Variants in RPAP1 observed in about 807,000 individuals in gnomAD.
RPAP1 encodes RNA polymerase II-associated protein 1.
RPAP1 carries 109 observed loss-of-function variants against 142.4 expected under a neutral mutation model. The ratio of observed to expected loss-of-function variants is 0.77; its 90% CI spans 0.66 to 0.90. The LOEUF is 0.90. RPAP1 is among the 40% of genes least tolerant of loss of function. The probability of loss-of-function intolerance (pLI) is 0.00; values close to 1 mark genes in which losing one functional copy is unlikely to be tolerated. For synonymous variants in RPAP1, 704 were observed against 738.9 expected, an observed-to-expected ratio of 0.95 and a Z score of 0.77; for missense variants, 1,546 against 1,751.7, an observed-to-expected ratio of 0.88 and a Z score of 2.10.
In RPAP1 at chr15:41,520,997, G is replaced by A. The variant is rs745576008; in HGVS notation, c.3189C>T (p.Cys1063=). 3 of 1,607,080 alleles carry A rather than the reference G, an allele frequency of 1.9e-6. No individual in the cohort carries two copies. The highest frequency in any genetic ancestry group is 2.6e-6 in the Non-Finnish European group (3 of 1,176,446). ...PSIRNCYLTH[C]SPARASLLAS... ...CCAGCAGACTGGCTCGGGCTGGCGAGCAATGAGTCAGGTAGCAGTTGCGGA... is the reference window on the plus strand; with the variant it reads ...CCAGCAGACTGGCTCGGGCTGGCGAACAATGAGTCAGGTAGCAGTTGCGGA... The change falls in exon 22 of 25, where the codon TGC becomes TGT. Residue 1063 remains cysteine, a synonymous_variant. Coordinates refer to ENST00000304330, the MANE Select transcript of RPAP1 (RefSeq NM_015540.4).
At chr15:41,538,741 C>G (rs2051940579) in intron 1 of RPAP1, among the ~76,000 whole-genome samples, 1 of 152,066 alleles carries the variant, frequency 6.6e-6, no homozygotes, top group Non-Finnish European at 1.5e-5. Context: ...TTTACGTAAC[C>G]ATGGCACAAA....
chr15:41,524,599 C>A (rs139404432), intron 15 of RPAP1, among the ~76,000 whole-genome samples: 7 of 151,716 alleles, frequency 4.6e-5, no homozygotes, highest in African/African-American at 1.7e-4. Context: ...CCTCAGCCTG[C>A]CGAGTAGTTG....
intron 1 of RPAP1, 127 bp downstream of exon 1, chr15:41,544,092 G>A (rs1449770611): frequency 6.6e-6 from 1 of 152,312 alleles, no homozygotes; most frequent in African/African-American, 2.4e-5. Context: ...TATGCACAGA[G>A]GAGGCCACAG....
At chr15:41,531,254 T>A (rs1461322641) in intron 6 of RPAP1, 52 bp from the exon 7 acceptor site, 2 of 1,540,486 alleles carry the variant, frequency 1.3e-6, no homozygotes, top group South Asian at 2.3e-5. Flanking sequence ...CTCCCTGGCC[T>A]CCTACAGACC....
In RPAP1 at chr15:41,517,861, G is replaced by A. The variant is rs774143687; in HGVS notation, c.3973-4C>T. ...TGCGGGCAGCTTTGACCTCATCCTA[G>A]AAGCAGAACAGGGAGAGGTGGCACT... On this transcript the variant is annotated splice_region_variant and splice_polypyrimidine_tract_variant and intron_variant, in intron 23 of 24. Coordinates refer to ENST00000304330, the MANE Select transcript of RPAP1 (RefSeq NM_015540.4). 9.9e-6 allele frequency: 16 copies of A among 1,614,130 alleles called. No individual in the cohort carries two copies. In the East Asian group the frequency reaches 3.3e-4, roughly 34 times the overall value.
intron 1 of RPAP1, among the ~76,000 whole-genome samples, chr15:41,543,152 T>C (rs1412434364): frequency 6.6e-6 from 1 of 151,742 alleles, no homozygotes; most frequent in Non-Finnish European, 1.5e-5. Flanking sequence ...GTTCCGCTAC[T>C]TACTAAATGC....
At position 41,537,062 on chromosome 15, in the gene RPAP1, G is replaced by A; in HGVS notation, c.64C>T (p.Leu22Phe). Reference sequence around the variant, plus strand: ...ACTGCTGGGGCTGCACCAGCTGCGAGAAACTGACTCTGGAAGTGCAGCAGG... The same window carrying A: ...ACTGCTGGGGCTGCACCAGCTGCGAAAAACTGACTCTGGAAGTGCAGCAGG... ...VDLLHFQSQF[L>F]AAGAAPAVQL... is the part of the protein sequence containing the mutation. The change falls in exon 2 of 25, where the codon CTC becomes TTC. Residue 22 changes from leucine (L) to phenylalanine (F), a missense_variant. Leu to Phe is a conservative substitution (Grantham distance 22, BLOSUM62 0). Transcript: ENST00000304330. The A allele has an allele frequency of 6.2e-7, 1 of 1,614,124 alleles. No homozygotes were observed. The highest frequency in any genetic ancestry group is 8.5e-7 in the Non-Finnish European group (1 of 1,180,000).
chr15:41,533,950 C>T (rs1300814388), intron 6 of RPAP1, among the ~76,000 whole-genome samples: 5 of 150,054 alleles, frequency 3.3e-5, no homozygotes, highest in East Asian at 2.0e-4. Context: ...GGTGAAACTC[C>T]GTCTCTACTA....
chr15:41,524,096 C>T lies in RPAP1; in HGVS notation c.2234G>A (p.Ser745Asn). The T allele has an allele frequency of 6.3e-7, 1 of 1,589,720 alleles. No individual in the cohort carries two copies. The highest frequency in any genetic ancestry group is 8.6e-7 in the Non-Finnish European group (1 of 1,165,698). Residue 745 changes from serine to asparagine, a missense_variant and splice_region_variant, in exon 16 of 25, where the codon AGT becomes AAT. Ser to Asn is a conservative substitution (Grantham distance 46, BLOSUM62 1). Coordinates refer to ENST00000304330, the MANE Select transcript of RPAP1 (RefSeq NM_015540.4). The part of the protein sequence containing the change: ...AAGSTPAETI[S>N]DSAEASLSAT... ...CCTGTGGGTCCTGGCTATAAACTAC[C>T]TGATGGTTTCAGCAGGGGTACTGCC... is the stretch of plus-strand genomic sequence containing the variant.
Position 41,527,069 on chromosome 15 carries a change from C to G in RPAP1, c.1747-1G>C. ...CTATCAGCCGAGGGCACTCCAGGAC[C>G]TATGGGAGACAGGAGGTAAAAGGGA... On this transcript the variant is annotated splice_acceptor_variant, in intron 13 of 24. Transcript: ENST00000304330. LOFTEE classifies it high-confidence loss of function. 6.2e-7 allele frequency: 1 copy of G among 1,613,526 alleles called. No homozygotes were observed.
chr15:41,519,218 C>CT (rs1298698676), intron 22 of RPAP1, among the ~76,000 whole-genome samples: 11 of 150,918 alleles, frequency 7.3e-5, no homozygotes, highest in Non-Finnish European at 1.3e-4. Flanking sequence ...TTTTATTTTT[C>CT]TTTTTTGAGA....
intron 3 of RPAP1, 123 bp downstream of exon 3, chr15:41,536,378 A>G: frequency 7.2e-7 from 1 of 1,398,364 alleles, no homozygotes; most frequent in Non-Finnish European, 9.9e-7. Context: ...CCCCAACCTG[A>G]CCTCAGGGGT....
Position 41,524,132 on chromosome 15 carries a change from G to T in RPAP1, c.2198C>A (p.Thr733Asn). Residue 733 changes from threonine to asparagine, a missense_variant, in exon 16 of 25, where the codon ACC becomes AAC. Physicochemically the swap from Thr to Asn is moderately conservative, Grantham distance 65 (BLOSUM62 0). Around this residue, in one of 3 missense-constraint regions of RPAP1, gnomAD observed 1,333 missense variants for 1,486.6 expected, o/e 0.90. Transcript: ENST00000304330. Reference sequence around the variant, plus strand: ...AGCAGGGGTACTGCCGGCTGCCAGGGTTAGCTGGGTGAGGAGAGTGAGCAG... The same window carrying T: ...AGCAGGGGTACTGCCGGCTGCCAGGTTTAGCTGGGTGAGGAGAGTGAGCAG... ...ASLLTLLTQL[T>N]LAAGSTPAET... 1 of 1,595,404 alleles carries T rather than the reference G, an allele frequency of 6.3e-7. No homozygotes were observed. The highest frequency in any genetic ancestry group is 1.1e-5 in the South Asian group (1 of 88,044).
In RPAP1 at chr15:41,517,756, A is replaced by G. The variant is rs772624068; in HGVS notation, c.4032+42T>C. On this transcript the variant is annotated intron_variant, in intron 24 of 24. Transcript: ENST00000304330. ...ATCCTGTTGTGGTCTCTGTCCCCCA[A>G]GATCCTCTAATATCCCACCCTCCTA... 5.6e-6 allele frequency: 9 copies of G among 1,614,088 alleles called. No individual in the cohort carries two copies. The Admixed American group carries it at 1.0e-4, about 18-fold the overall frequency.
intron 7 of RPAP1, 75 bp from the exon 8 acceptor site, chr15:41,530,054 GC>G: frequency 9.5e-7 from 1 of 1,050,222 alleles, no homozygotes; most frequent in Non-Finnish European, 1.5e-6. Context: ...CCATCACCCA[GC>G]AGCTGCCACA....
intron 1 of RPAP1, among the ~76,000 whole-genome samples, chr15:41,542,305 T>C (rs1272041236): frequency 1.3e-5 from 2 of 152,194 alleles, no homozygotes; most frequent in African/African-American, 4.8e-5. Flanking sequence ...TGAGAGAATA[T>C]GGTAAACACA....
At chr15:41,527,736 G>A (rs944673912) in intron 11 of RPAP1, 124 bp downstream of exon 11, 6 of 1,461,764 alleles carry the variant, frequency 4.1e-6, no homozygotes, top group Middle Eastern at 2.4e-4. Context: ...AGGAGATGAG[G>A]GAGACGCCTG....
At chr15:41,529,383 A>G in intron 9 of RPAP1, 87 bp downstream of exon 9, 1 of 851,910 alleles carries the variant, frequency 1.2e-6, no homozygotes, top group South Asian at 1.5e-5. Context: ...AACAGGGCAC[A>G]CAGAAGGTCA....
At chr15:41,518,222 A>G (rs779005982) in intron 22 of RPAP1, 40 bp from the exon 23 acceptor site, 1 of 1,517,070 alleles carries the variant, frequency 6.6e-7, no homozygotes, top group South Asian at 1.3e-5. Context: ...GGAGGGTAGG[A>G]ATGTATATAC....
Sources: allele counts gnomAD v4.1 joint callset (sites outside exome capture counted in the v4.1 genomes callset), GRCh38; gene constraint gnomAD v4.1.1; regional missense constraint gnomAD v4.1.1; transcripts MANE v1.5; gene names NCBI Gene and HGNC (gene_info 2026-07-23, HGNC 2026-07-21).